GALNT13: variants seen among roughly 807,000 people sequenced by gnomAD.
GALNT13 encodes UDP-GalNAc:polypeptide N-acetylgalactosaminyltransferase 13.
Under a neutral mutation model 64.2 loss-of-function variants are expected in GALNT13, and 28 were observed. The ratio of observed to expected loss-of-function variants is 0.44; its 90% confidence interval spans 0.32 to 0.60. The LOEUF (loss-of-function observed/expected upper bound fraction) is 0.60. GALNT13 is among the 20% of genes least tolerant of loss of function. The pLI is 0.05. For synonymous variants in GALNT13, 214 were observed against 224.6 expected (o/e 0.95, Z 0.42); for missense variants, 577 against 669.8 (o/e 0.86, Z 1.53).
At chr2:154,052,367 A>C (rs1163914906) in intron 3 of GALNT13, among the ~76,000 whole-genome samples, 2 of 152,112 alleles carry the variant, frequency 1.3e-5, no homozygotes, top group Non-Finnish European at 1.5e-5. Context: ...TTTTTCTTGC[A>C]CCTTCAAATG....
At chr2:153,646,288 T>C in the GALNT13 span, among the ~76,000 whole-genome samples, 628 of 152,030 alleles carry the variant, frequency 4.1e-3, 6 homozygotes, top group African/African-American at 0.014. Flanking sequence ...CATATTAATA[T>C]TATTTACTAA....
the GALNT13 span, among the ~76,000 whole-genome samples, chr2:153,302,222 T>C: frequency 1.3e-5 from 2 of 152,288 alleles, no homozygotes; most frequent in East Asian, 3.9e-4. Context: ...TTATCTTTTG[T>C]CATTTTGATA....
chr2:154,401,218 G>T (rs556148199), intron 10 of GALNT13, among the ~76,000 whole-genome samples: 3 of 152,190 alleles, frequency 2.0e-5, no homozygotes, highest in Admixed American at 6.5e-5. Context: ...ATGGAAAATA[G>T]ACATCCATGA....
At chr2:153,409,030 C>T in the GALNT13 span, among the ~76,000 whole-genome samples, 1 of 152,126 alleles carries the variant, frequency 6.6e-6, no homozygotes, top group Non-Finnish European at 1.5e-5. Context: ...TGCCCTCAAA[C>T]ACCAGACTCC....
intron 9 of GALNT13, among the ~76,000 whole-genome samples, chr2:154,303,423 G>A (rs929296399): frequency 1.3e-5 from 2 of 152,156 alleles, no homozygotes; most frequent in South Asian, 4.2e-4. Flanking sequence ...GCTCCTTACT[G>A]TACATATGGC....
At chr2:154,447,876 G>A (rs1162926052) in intron 12 of GALNT13, among the ~76,000 whole-genome samples, 1 of 151,986 alleles carries the variant, frequency 6.6e-6, no homozygotes, top group Non-Finnish European at 1.5e-5. Flanking sequence ...CCTGATACGT[G>A]CAGTGCCAAA....
chr2:154,054,885 A>G lies in GALNT13; in HGVS notation c.143-85452A>G, dbSNP rs144012494. Among the ~76,000 whole-genome samples, 1,231 of 152,134 alleles carry G rather than the reference A, an allele frequency of 8.1e-3. 14 individuals are homozygous for G. The highest frequency in any genetic ancestry group is 0.027 in the African/African-American group (1,141 of 41,562). On this transcript the variant is annotated intron_variant, in intron 3 of 12. Coordinates refer to ENST00000392825, the MANE Select transcript of GALNT13 (RefSeq NM_052917.4). ...TTATGAATTATGAACTCATCTTAAA[A>G]TGGTCTTTAAATGTTCTGTATGATG...
the GALNT13 span, among the ~76,000 whole-genome samples, chr2:153,706,605 A>T: frequency 6.6e-6 from 1 of 152,158 alleles, no homozygotes; most frequent in African/African-American, 2.4e-5. Flanking sequence ...GCAGGAACAG[A>T]CTCAGTTGGT....
At chr2:153,137,448 C>T in the GALNT13 span, among the ~76,000 whole-genome samples, 3 of 152,148 alleles carry the variant, frequency 2.0e-5, no homozygotes, top group East Asian at 5.8e-4. Flanking sequence ...GAACCTGAAC[C>T]TGAACCTGGT....
intron 9 of GALNT13, among the ~76,000 whole-genome samples, chr2:154,317,313 T>C (rs986219293): frequency 1.3e-5 from 2 of 151,944 alleles, no homozygotes; most frequent in African/African-American, 4.8e-5. Flanking sequence ...AGAAAATAGA[T>C]ACAATTTTAA....
the GALNT13 span, among the ~76,000 whole-genome samples, chr2:153,781,416 A>G: frequency 3.3e-5 from 5 of 152,144 alleles, no homozygotes; most frequent in African/African-American, 1.2e-4. Flanking sequence ...GGTGTCACAG[A>G]ATTAGAATGA....
chr2:153,325,797 T>C, the GALNT13 span, among the ~76,000 whole-genome samples: 2 of 152,190 alleles, frequency 1.3e-5, no homozygotes, highest in Non-Finnish European at 2.9e-5. Flanking sequence ...TTCCATTTAG[T>C]TGTGTGGTTT....
chr2:154,035,341 GTATT>G (rs948033896), intron 3 of GALNT13, among the ~76,000 whole-genome samples: 61 of 152,098 alleles, frequency 4.0e-4, no homozygotes, highest in African/African-American at 1.4e-3. Context: ...TGTGGTATAA[GTATT>G]TATTAGAAAT....
intron 7 of GALNT13, among the ~76,000 whole-genome samples, chr2:154,250,415 A>G (rs974908179): frequency 5.3e-5 from 8 of 151,976 alleles, no homozygotes; most frequent in Non-Finnish European, 1.0e-4. Context: ...TAATGTCTCA[A>G]TTACTTACGA....
chr2:154,162,785 A>G (rs1024389133), intron 4 of GALNT13, among the ~76,000 whole-genome samples: 2 of 152,130 alleles, frequency 1.3e-5, no homozygotes, highest in African/African-American at 4.8e-5. Context: ...TTTTACCATT[A>G]TAAAACAGTA....
At chr2:153,946,342 G>T (rs1296212046) in intron 3 of GALNT13, among the ~76,000 whole-genome samples, 1 of 152,044 alleles carries the variant, frequency 6.6e-6, no homozygotes, top group Non-Finnish European at 1.5e-5. Context: ...CTCAAAATGT[G>T]AAATTTAACA....
chr2:153,683,207 TG>T, the GALNT13 span, among the ~76,000 whole-genome samples: 3 of 151,796 alleles, frequency 2.0e-5, no homozygotes, highest in African/African-American at 7.2e-5. Context: ...CACAGTTATG[TG>T]AAATTTGAAC....
chr2:154,362,996 G>T (rs1524915), intron 9 of GALNT13, among the ~76,000 whole-genome samples: 99,029 of 152,044 alleles, frequency 0.65, 32,719 homozygotes, highest in East Asian at 0.78. Flanking sequence ...TTTTAAAGTT[G>T]CATTGTACAC....
At chr2:153,411,228 A>C in the GALNT13 span, among the ~76,000 whole-genome samples, 1 of 151,176 alleles carries the variant, frequency 6.6e-6, no homozygotes, top group Non-Finnish European at 1.5e-5. Flanking sequence ...TCATATAGTA[A>C]ATTCATTCAT....
Sources: gnomAD v4.1 joint callset for allele counts (sites outside exome capture counted in the v4.1 genomes callset) on GRCh38, gnomAD v4.1.1 for gene constraint, MANE v1.5 for transcripts, NCBI Gene and HGNC (gene_info 2026-07-23, HGNC 2026-07-21) for gene names.